The following CTSC variants were observed in gnomAD, a reference collection of about 807,000 sequenced individuals.
CTSC encodes dipeptidyl peptidase 1.
A neutral mutation model predicts 40.9 loss-of-function variants in CTSC; 37 were observed. The ratio of observed to expected loss-of-function variants is 0.91; its 90% CI spans 0.70 to 1.19. The LOEUF is 1.19. Among genes scored for constraint, CTSC ranks in the 50% most tolerant of loss-of-function variants. The probability of loss-of-function intolerance (pLI) is 0.00; values close to 1 mark genes in which losing one functional copy is unlikely to be tolerated. For synonymous variants in CTSC, 232 were observed against 207.4 expected (o/e 1.12, Z -1.02); for missense variants, 594 against 567.3 (o/e 1.05, Z -0.48).
intron 2 of CTSC, among the ~76,000 whole-genome samples, chr11:88,314,009 T>C (rs745351830): frequency 6.6e-6 from 1 of 152,176 alleles, no homozygotes; most frequent in Non-Finnish European, 1.5e-5. Context: ...ACTATGTTTC[T>C]ATAAAATTTC....
At chr11:88,320,118 A>G (rs1384581142) in intron 2 of CTSC, among the ~76,000 whole-genome samples, 2 of 152,188 alleles carry the variant, frequency 1.3e-5, no homozygotes, top group African/African-American at 4.8e-5. Flanking sequence ...TATTAACTGG[A>G]CTGAACCATG....
chr11:88,313,687 G>A (rs554194811), intron 2 of CTSC, among the ~76,000 whole-genome samples: 3 of 152,200 alleles, frequency 2.0e-5, no homozygotes, highest in South Asian at 4.1e-4. Flanking sequence ...GGAGAGACTT[G>A]GGCACAGACA....
chr11:88,315,299 A>G (rs1937850354), intron 2 of CTSC, among the ~76,000 whole-genome samples: 1 of 152,186 alleles, frequency 6.6e-6, no homozygotes, highest in South Asian at 2.1e-4. Context: ...ACACACATAC[A>G]CAAACAAAAT....
intron 2 of CTSC, among the ~76,000 whole-genome samples, chr11:88,330,818 C>T (rs1014556704): frequency 5.3e-5 from 8 of 152,080 alleles, no homozygotes; most frequent in Non-Finnish European, 8.8e-5. Context: ...CTGTTAAAAC[C>T]AAGTTTTAAA....
In CTSC at chr11:88,307,489, C is replaced by A. The variant is rs74888266; in HGVS notation, c.641+1674G>T. On this transcript the variant is annotated intron_variant, in intron 4 of 6. Coordinates refer to ENST00000227266, the MANE Select transcript of CTSC (RefSeq NM_001814.6). ...TAATTTCCCAAACTAAGAAATATAC[C>A]ATGGGGCTTATGGGTAAAGATGAAA... Among the ~76,000 whole-genome samples the A allele has an allele frequency of 7.7e-3, 1,162 of 150,890 alleles. 14 individuals carry two copies. Among genetic ancestry groups the A allele is most frequent in the African/African-American group, 0.026 (1,085 of 41,044 alleles).
chr11:88,331,018 A>C (rs1477204842), intron 2 of CTSC, among the ~76,000 whole-genome samples: 1 of 152,192 alleles, frequency 6.6e-6, no homozygotes, highest in Non-Finnish European at 1.5e-5. Context: ...CAGAAGGTAA[A>C]AGCAGGAGCC....
chr11:88,311,811 A>T (rs898033094), intron 3 of CTSC, among the ~76,000 whole-genome samples: 3 of 152,240 alleles, frequency 2.0e-5, no homozygotes, highest in African/African-American at 7.2e-5. Context: ...CCCAGTAAGC[A>T]AGCAGACATC....
intron 2 of CTSC, among the ~76,000 whole-genome samples, chr11:88,327,208 C>A (rs748143167): frequency 6.6e-6 from 1 of 152,226 alleles, no homozygotes; most frequent in Admixed American, 6.5e-5. Context: ...TGAAGCTTAA[C>A]AAGATAACGC....
chr11:88,304,876 T>C (rs1275802790), intron 4 of CTSC, among the ~76,000 whole-genome samples: 1 of 152,166 alleles, frequency 6.6e-6, no homozygotes, highest in East Asian at 1.9e-4. Context: ...GGTAGGCAGA[T>C]CACCTGAAGT....
intron 2 of CTSC, among the ~76,000 whole-genome samples, chr11:88,317,548 G>T (rs1462161846): frequency 6.6e-6 from 1 of 152,176 alleles, no homozygotes; most frequent in African/African-American, 2.4e-5. Flanking sequence ...TTTACCAGCG[G>T]GGAAGCCAAG....
Position 88,312,459 on chromosome 11 carries a change from G to C in CTSC, c.414C>G (p.Thr138=). ...CAGAGGCAGTTCCCACCTTCTTTCC[G>C]GTGAAACAAGCCCAGTTCCGGCCCA... ...DVLGRNWACF[T]GKKVGTASEN... The change falls in exon 3 of 7, where the codon ACC becomes ACG. Residue 138 remains threonine (T), a synonymous_variant. Transcript: ENST00000227266. The C allele has an allele frequency of 6.2e-7, 1 of 1,614,102 alleles. No homozygotes were observed. The highest frequency in any genetic ancestry group is 8.5e-7 in the Non-Finnish European group (1 of 1,180,030).
chr11:88,333,971 T>G lies in CTSC; in HGVS notation c.318+966A>C, dbSNP rs1012702503. On this transcript the variant is annotated intron_variant, in intron 2 of 6. Coordinates refer to ENST00000227266, the MANE Select transcript of CTSC (RefSeq NM_001814.6). Reference sequence around the variant, plus strand: ...ATTCTAAAAAATATTGTAAACTTGCTTGGACCGCCATAACCTTGTGACAAA... The same window carrying G: ...ATTCTAAAAAATATTGTAAACTTGCGTGGACCGCCATAACCTTGTGACAAA... 3.3e-5 allele frequency among the ~76,000 whole-genome samples: 5 copies of G among 152,230 alleles called. No individual in the cohort carries two copies. The East Asian group carries it at 9.6e-4, about 29-fold the overall frequency.
chr11:88,309,416 G>A (rs1472157075), intron 3 of CTSC, 98 bp from the exon 4 acceptor site: 2 of 1,045,068 alleles, frequency 1.9e-6, no homozygotes, highest in Admixed American at 3.4e-5. Flanking sequence ...GTGGAAAGTG[G>A]TACAATCTTT....
Position 88,335,001 on chromosome 11 carries a change from G to T in CTSC, c.254C>A (p.Thr85Asn), listed in dbSNP as rs1178508202. The T allele has an allele frequency of 1.2e-6, 2 of 1,610,048 alleles. No individual in the cohort carries two copies. The highest frequency in any genetic ancestry group is 1.7e-6 in the Non-Finnish European group (2 of 1,176,562). The change falls in exon 2 of 7, where the codon ACC (threonine) becomes AAC (asparagine). Residue 85 changes from threonine to asparagine, a missense_variant. Transcript: ENST00000227266. ...CTCAAAGCCTTGGTTGTAAATGATG[G>T]TGAAATGGCCAGAATTGCCAAGGTC... is the stretch of plus-strand genomic sequence containing the variant. Reference protein sequence around the residue: ...YDDLGNSGHFTIIYNQGFEIV... With the variant: ...YDDLGNSGHFNIIYNQGFEIV...
At position 88,300,572 on chromosome 11, in the gene CTSC, T is replaced by G. The variant is rs1944348496; in HGVS notation, c.715A>C (p.Asn239His). 6.2e-7 allele frequency: 1 copy of G among 1,613,848 alleles called. No homozygotes were observed. Among genetic ancestry groups the G allele is most frequent in the South Asian group, 1.1e-5 (1 of 91,078 alleles). The part of the protein sequence containing the change: ...LHLPTSWDWR[N>H]VHGINFVSPV... ...CTGACAAAATTGATACCATGAACAT[T>G]TCTCCAGTCCCAAGATGTTGGCAAA... The change falls in exon 5 of 7, where the codon AAT becomes CAT. Residue 239 changes from asparagine to histidine, a missense_variant. Transcript: ENST00000227266.
chr11:88,327,787 G>A, intron 2 of CTSC: 1 of 356,736 alleles, frequency 2.8e-6, no homozygotes, highest in Non-Finnish European at 5.3e-6. Flanking sequence ...CTTTACGAAT[G>A]TGAACTGAAC....
intron 2 of CTSC, among the ~76,000 whole-genome samples, chr11:88,316,962 T>G (rs1191106300): frequency 2.0e-5 from 3 of 152,118 alleles, no homozygotes; most frequent in Non-Finnish European, 2.9e-5. Flanking sequence ...TATCTGTGGT[T>G]GTCTTAATTT....
At chr11:88,325,324 A>C in intron 2 of CTSC, 1 of 985,434 alleles carries the variant, frequency 1.0e-6, no homozygotes, top group Non-Finnish European at 1.2e-6. Context: ...TAGGCAAGAA[A>C]GTCAGTAGCC....
chr11:88,311,598 T>C (rs76588242), intron 3 of CTSC, among the ~76,000 whole-genome samples: 2,042 of 152,338 alleles, frequency 0.013, 52 homozygotes, highest in African/African-American at 0.047. Flanking sequence ...AACTGCAGTT[T>C]ATAGTCTGAA....
Sources: gnomAD v4.1 joint callset for allele counts (sites outside exome capture counted in the v4.1 genomes callset) on GRCh38, gnomAD v4.1.1 for gene constraint, MANE v1.5 for transcripts, NCBI Gene and HGNC (gene_info 2026-07-23, HGNC 2026-07-21) for gene names.